Variants in NCAPD3 observed in about 807,000 individuals in gnomAD.
The protein encoded by NCAPD3 is non-SMC condensin II complex subunit D3.
Under a neutral mutation model 182.9 loss-of-function variants are expected in NCAPD3, and 105 were observed. The ratio of observed to expected loss-of-function variants is 0.57; its 90% CI spans 0.49 to 0.68. NCAPD3 has a LOEUF of 0.68. Among genes scored for constraint, NCAPD3 ranks in the 30% least tolerant of loss-of-function variants. The pLI, the probability that NCAPD3 is intolerant of heterozygous loss-of-function variation, is 0.00. For missense variants in NCAPD3, 1,944 were observed against 1,837.0 expected (o/e 1.06, Z -1.07); for synonymous variants, 815 against 679.9 (o/e 1.20, Z -3.09).
chr11:134,220,439 A>G (rs1369468102), intron 2 of NCAPD3, 133 bp downstream of exon 2: 5 of 785,534 alleles, frequency 6.4e-6, no homozygotes, highest in Non-Finnish European at 9.9e-6. Context: ...TAAATTAACC[A>G]CATTCTTTAT....
intron 25 of NCAPD3, 137 bp downstream of exon 25, chr11:134,168,780 A>T: frequency 7.2e-7 from 1 of 1,383,700 alleles, no homozygotes; most frequent in Non-Finnish European, 9.8e-7. Flanking sequence ...GTATTTTCTT[A>T]CGCCATCCTG....
intron 31 of NCAPD3, 140 bp downstream of exon 31, chr11:134,157,788 C>T: frequency 1.0e-6 from 1 of 959,242 alleles, no homozygotes; most frequent in Non-Finnish European, 1.5e-6. Context: ...GTTTTACTAC[C>T]CATGATCCTA....
chr11:134,159,769 C>T (rs557558255), intron 29 of NCAPD3, 123 bp downstream of exon 29: 17 of 1,053,086 alleles, frequency 1.6e-5, no homozygotes, highest in African/African-American at 9.6e-5. Context: ...GCAGCACTCT[C>T]GAGGCCTTCG....
At chr11:134,222,675 G>C (rs1256259979) in intron 1 of NCAPD3, among the ~76,000 whole-genome samples, 1 of 152,226 alleles carries the variant, frequency 6.6e-6, no homozygotes, top group Non-Finnish European at 1.5e-5. Context: ...ATAGGGAATA[G>C]TACTGGGGGA....
chr11:134,194,128 T>G lies in NCAPD3; in HGVS notation c.1712A>C (p.His571Pro), dbSNP rs199812722. The G allele has an allele frequency of 3.5e-5, 57 of 1,614,014 alleles. 2 individuals are homozygous for G. In the Middle Eastern group the frequency reaches 1.2e-3, roughly 33 times the overall value. Residue 571 changes from histidine to proline, a missense_variant, in exon 15 of 35, where the codon CAC (histidine) becomes CCC (proline). Around this residue, in one of 3 missense-constraint regions of NCAPD3, gnomAD observed 1,803 missense variants for 1,674.6 expected, o/e 1.08. Transcript: ENST00000534548. ...TTCCTTCATGCCTGAGACATCACAG[T>G]GTTTCAAAATACTCACTAATACCTA... Reference protein sequence around the residue: ...ALQVLVSILKHCDVSGMKEDL... With the variant: ...ALQVLVSILKPCDVSGMKEDL...
In NCAPD3 at chr11:134,178,856, C is replaced by A; in HGVS notation, c.2640G>T (p.Gln880His). 6.2e-7 allele frequency: 1 copy of A among 1,614,146 alleles called. No homozygotes were observed. Among genetic ancestry groups the A allele is most frequent in the South Asian group, 1.1e-5 (1 of 91,070 alleles). The change falls in exon 21 of 35, where the codon CAG becomes CAT. Residue 880 changes from glutamine to histidine, a missense_variant. Physicochemically the swap from Gln to His is conservative, Grantham distance 24 (BLOSUM62 0). Coordinates refer to ENST00000534548, the MANE Select transcript of NCAPD3 (RefSeq NM_015261.3). Reference protein sequence around the residue: ...RVEKRIFLLIQSVLASSADAD... With the variant: ...RVEKRIFLLIHSVLASSADAD... ...CATCAGCAGACGAAGCCAGGACGGA[C>A]TGAATCAGAAGGAAGATGCGCTTCT...
chr11:134,205,790 G>A (rs1484051215), intron 8 of NCAPD3, among the ~76,000 whole-genome samples: 1 of 152,180 alleles, frequency 6.6e-6, no homozygotes, highest in Non-Finnish European at 1.5e-5. Context: ...TGGAAAAAAC[G>A]AAACGATCGT....
Position 134,204,320 on chromosome 11 carries a change from G to A in NCAPD3, c.1090-149C>T. The stretch of plus-strand genomic sequence containing the variant: ...AATGACTAATAAATTTTAGGTTTTA[G>A]AACACTTCAAAACTAATCTAAAGGA... On this transcript the variant is annotated intron_variant, in intron 9 of 34. Transcript: ENST00000534548. This position sits in a 1 kb window ranked among gnomAD's most constrained non-coding sequence, Gnocchi z 4.3. The A allele has an allele frequency of 1.2e-6, 1 of 853,406 alleles. No homozygotes were observed. The highest frequency in any genetic ancestry group is 1.7e-6 in the Non-Finnish European group (1 of 578,968). The allele number at this position is 853,406 out of a possible 1,614,324, so 52.9% of individuals were successfully genotyped here.
At position 134,168,009 on chromosome 11, in the gene NCAPD3, T is replaced by A. The variant is rs768284623; in HGVS notation, c.3560A>T (p.Lys1187Met). 1 of 1,613,900 alleles carries A rather than the reference T, an allele frequency of 6.2e-7. No individual in the cohort carries two copies. The highest frequency in any genetic ancestry group is 1.7e-5 in the Admixed American group (1 of 59,994). Residue 1187 changes from lysine to methionine, a missense_variant, in exon 27 of 35, where the codon AAG becomes ATG. Transcript: ENST00000534548. ...CAACACACTCACTTGTGAGATGAGC[T>A]TCTTCTGAGCTTCCTGCATGACTAC... ...ANVVMQEAQK[K>M]LISQVQKRNF...
intron 24 of NCAPD3, among the ~76,000 whole-genome samples, chr11:134,172,449 C>T (rs1944030527): frequency 6.6e-6 from 1 of 152,178 alleles, no homozygotes; most frequent in South Asian, 2.1e-4. Flanking sequence ...CATGGCTTCA[C>T]TAAGGCCTCC....
At chr11:134,159,685 C>T (rs1483496398) in intron 29 of NCAPD3, among the ~76,000 whole-genome samples, 2 of 152,226 alleles carry the variant, frequency 1.3e-5, no homozygotes, top group Non-Finnish European at 2.9e-5. Context: ...TCCTGCACCA[C>T]GTCCTCATGG....
rs564955275 is a variant in NCAPD3 at position 134,196,107 on chromosome 11, C to T, written c.1616-1369G>A. Among the ~76,000 whole-genome samples, 13 of 151,664 alleles carry T rather than the reference C, an allele frequency of 8.6e-5. No homozygotes were observed. The South Asian group carries it at 1.9e-3, about 22-fold the overall frequency. ...ACTAATACACCTTTAGCTAGACTGG[C>T]GAAGAAAATAAGAAAGAAAATTGAA... On this transcript the variant is annotated intron_variant, in intron 13 of 34. Coordinates refer to ENST00000534548, the MANE Select transcript of NCAPD3 (RefSeq NM_015261.3).
rs568164450 is a variant in NCAPD3 at position 134,203,066 on chromosome 11, A to G, written c.1525+76T>C. On this transcript the variant is annotated intron_variant, in intron 12 of 34. Coordinates refer to ENST00000534548, the MANE Select transcript of NCAPD3 (RefSeq NM_015261.3). ...TGTTAAAGCAGGTAAATAAGGAGGT[A>G]AGAAAAACATTTTAAATATTCCACA... The G allele has an allele frequency of 1.1e-5, 14 of 1,282,536 alleles. No individual in the cohort carries two copies. In the South Asian group the frequency reaches 1.8e-4, roughly 17 times the overall value. 79.4% of individuals were successfully genotyped at this position (1,282,536 alleles called of 1,614,324 possible).
Position 134,204,928 on chromosome 11 carries a change from G to C in NCAPD3, c.1060C>G (p.Arg354Gly), listed in dbSNP as rs757034392. The C allele has an allele frequency of 6.2e-7, 1 of 1,613,508 alleles. No individual in the cohort carries two copies. The highest frequency in any genetic ancestry group is 8.5e-7 in the Non-Finnish European group (1 of 1,179,610). The change falls in exon 9 of 35, where the codon CGT (arginine) becomes GGT (glycine). Residue 354 changes from arginine to glycine, a missense_variant. By Grantham distance (125) the Arg-to-Gly change is moderately radical. Transcript: ENST00000534548. The surrounding 1 kb of genome is among the most constrained non-coding windows in gnomAD (Gnocchi z 4.3). ...GCACAGATGTGCTGCAGTAAGATACGGACGACTGGGAATATACTCTCCTTT... is the reference window on the plus strand; with the variant it reads ...GCACAGATGTGCTGCAGTAAGATACCGACGACTGGGAATATACTCTCCTTT... ...ELKESIFPVV[R>G]ILLQHICAKV...
chr11:134,179,797 G>T (rs1441851837), intron 20 of NCAPD3, among the ~76,000 whole-genome samples: 3 of 152,030 alleles, frequency 2.0e-5, no homozygotes, highest in South Asian at 2.1e-4. Flanking sequence ...CCAAATGAAG[G>T]GATGATGCTG....
chr11:134,208,816 G>A (rs1937714134), intron 7 of NCAPD3, 48 bp downstream of exon 7: 1 of 1,249,644 alleles, frequency 8.0e-7, no homozygotes, highest in Non-Finnish European at 1.2e-6. Context: ...TATGGTTCAT[G>A]TGCCTTCGAT....
chr11:134,165,289 T>A (rs1324178958), intron 27 of NCAPD3, among the ~76,000 whole-genome samples: 1 of 144,020 alleles, frequency 6.9e-6, no homozygotes, highest in Non-Finnish European at 1.5e-5. Flanking sequence ...GCTTGTGAGA[T>A]GAACTTAGGG....
At position 134,150,189 on chromosome 11, in the gene NCAPD3, T is replaced by C. The variant is rs148131282; in HGVS notation, c.*2755A>G. The C allele has an allele frequency of 6.5e-6, 1 of 152,978 alleles. No homozygotes were observed. The highest frequency in any genetic ancestry group is 1.9e-4 in the East Asian group (1 of 5,194). 9.5% of individuals were successfully genotyped at this position (152,978 alleles called of 1,614,324 possible). A position where few individuals can be genotyped will look rare whatever the true frequency, so the allele number is the denominator to read the frequency against. On this transcript the variant is annotated 3_prime_UTR_variant, in exon 35 of 35. Transcript: ENST00000534548. ...CTTTTTCACAAGGGAACTCATACTG[T>C]CTACACATCAGACCATAGTTGCTTA...
rs200432850 is a variant in NCAPD3, at chr11:134,217,014, T to G, written c.304A>C (p.Lys102Gln). ...CGATACTGTACACTGACATTCTTCT[T>G]ATGAACTATTTGAACAAAATGATAG... is the stretch of plus-strand genomic sequence containing the variant. ...LFYHFVQIVHKKNVSVQYREY... is the reference protein window; with the variant it reads ...LFYHFVQIVHQKNVSVQYREY... Residue 102 changes from lysine to glutamine, a missense_variant, in exon 3 of 35, where the codon AAG becomes CAG. Coordinates refer to ENST00000534548, the MANE Select transcript of NCAPD3 (RefSeq NM_015261.3). 193 of 1,613,938 alleles carry G rather than the reference T, an allele frequency of 1.2e-4. No homozygotes were observed. Among genetic ancestry groups the G allele is most frequent in the Middle Eastern group, 1.7e-4 (1 of 6,058 alleles).
Sources: gnomAD v4.1 joint callset for allele counts (sites outside exome capture counted in the v4.1 genomes callset) on GRCh38, gnomAD v4.1.1 for gene constraint, gnomAD v4.1.1 regional missense constraint, Gnocchi (gnomAD v3.1) non-coding constraint, MANE v1.5 for transcripts, NCBI Gene and HGNC (gene_info 2026-07-23, HGNC 2026-07-21) for gene names.